NAV1: variants seen among roughly 807,000 people sequenced by gnomAD.
NAV1 encodes the protein neuron navigator 1, also known as pore membrane and/or filament interacting like protein 3.
A neutral mutation model predicts 175.2 loss-of-function variants in NAV1; 18 were observed. The observed-to-expected ratio is 0.10, with a 90% confidence interval of 0.07 to 0.15. The LOEUF (loss-of-function observed/expected upper bound fraction) is 0.15, where lower values mean the gene tolerates loss of function less well. Ranked by LOEUF, NAV1 falls within the 10% of genes least tolerant of loss-of-function variation. The pLI, the probability that NAV1 is intolerant of heterozygous loss-of-function variation, is 1.00. For missense variants in NAV1, 1,731 were observed against 2,436.6 expected (o/e 0.71, Z 6.10); for synonymous variants, 897 against 978.7 (o/e 0.92, Z 1.56).
intron 1 of NAV1, among the ~76,000 whole-genome samples, chr1:201,654,111 TA>T (rs754613597): frequency 5.2e-4 from 79 of 152,184 alleles, no homozygotes; most frequent in Admixed American, 2.2e-3. Flanking sequence ...AAGTAGGTCC[TA>T]GGGGCAGTTC....
At chr1:201,551,948 C>A (rs1159823624) in intron 1 of NAV1, among the ~76,000 whole-genome samples, 1 of 152,208 alleles carries the variant, frequency 6.6e-6, no homozygotes, top group African/African-American at 2.4e-5. Flanking sequence ...AAGCTCCTTA[C>A]TAAATGTCAT....
At chr1:201,647,707 C>A (rs1736450), upstream of NAV1, among the ~76,000 whole-genome samples, 1 of 151,686 alleles carries the variant, frequency 6.6e-6, no homozygotes, top group Admixed American at 6.6e-5. Flanking sequence ...TGAAGTAGGG[C>A]GGGACTGGGA....
At chr1:201,819,055 G>A (rs1307929832) in intron 29 of NAV1, among the ~76,000 whole-genome samples, 2 of 152,172 alleles carry the variant, frequency 1.3e-5, no homozygotes, top group African/African-American at 4.8e-5. Context: ...AGTACATAGA[G>A]GTATTTAGAC....
chr1:201,693,585 G>T (rs561992697), intron 1 of NAV1, among the ~76,000 whole-genome samples: 1 of 152,312 alleles, frequency 6.6e-6, no homozygotes, highest in East Asian at 1.9e-4. Flanking sequence ...GAGATCAAAT[G>T]TTCCAGAGCT....
chr1:201,789,843 C>T (rs912626616), intron 11 of NAV1, 51 bp downstream of exon 15: 14 of 1,557,490 alleles, frequency 9.0e-6, no homozygotes, highest in African/African-American at 2.7e-5. Flanking sequence ...TCTACCATCC[C>T]ATGCTCCCTA....
chr1:201,602,008 G>A (rs1052769631), intron 2 of NAV1, among the ~76,000 whole-genome samples: 32 of 152,080 alleles, frequency 2.1e-4, no homozygotes, highest in Non-Finnish European at 4.1e-4. Flanking sequence ...CTCAGGATGG[G>A]TTCCGCAGGT....
At chr1:201,649,088 C>T (rs1171573533) in exon 1 of NAV1, 2 of 1,613,070 alleles carry the variant, frequency 1.2e-6, no homozygotes, top group South Asian at 2.2e-5. Flanking sequence ...AGACGCTGTC[C>T]AAGTCGGAGC....
chr1:201,727,711 C>T (rs1485554673), intron 3 of NAV1, among the ~76,000 whole-genome samples: 2 of 152,238 alleles, frequency 1.3e-5, no homozygotes, highest in African/African-American at 4.8e-5. Flanking sequence ...GAAGCCACTA[C>T]AGGCTATGTT....
intron 2 of NAV1, among the ~76,000 whole-genome samples, chr1:201,713,841 G>T (rs1229679109): frequency 6.6e-6 from 1 of 152,192 alleles, no homozygotes; most frequent in East Asian, 1.9e-4. Context: ...AGTGGAAAAG[G>T]ACTTTCTTTA....
At chr1:201,755,942 T>C (rs528462367) in intron 3 of NAV1, among the ~76,000 whole-genome samples, 53 of 151,860 alleles carry the variant, frequency 3.5e-4, no homozygotes, top group African/African-American at 1.3e-3. Flanking sequence ...CCATCTCTAC[T>C]AAAAATACAA....
intron 3 of NAV1, among the ~76,000 whole-genome samples, chr1:201,758,478 T>A (rs570483210): frequency 1.3e-5 from 2 of 152,358 alleles, no homozygotes; most frequent in Non-Finnish European, 2.9e-5. Flanking sequence ...ATGTCACTCT[T>A]TCAAGCAAAT....
chr1:201,685,952 G>A (rs560296040), intron 1 of NAV1, among the ~76,000 whole-genome samples: 2 of 152,318 alleles, frequency 1.3e-5, no homozygotes, highest in African/African-American at 4.8e-5. Flanking sequence ...AAATACCCCT[G>A]AATGCAGTCT....
intron 3 of NAV1, among the ~76,000 whole-genome samples, chr1:201,746,925 G>A (rs1673804112): frequency 6.6e-6 from 1 of 151,696 alleles, no homozygotes; most frequent in Non-Finnish European, 1.5e-5. Flanking sequence ...GGTCGCTTGA[G>A]CCCAGGAGGT....
Position 201,718,351 on chromosome 1 carries a change from G to A in NAV1, c.861-39G>A, listed in dbSNP as rs1252752431. On this transcript the variant is annotated intron_variant, in intron 2 of 29. Coordinates refer to ENST00000367296, the Ensembl canonical transcript of NAV1. This position sits in a 1 kb window ranked among gnomAD's most constrained non-coding sequence, Gnocchi z 4.8. ...TGAGGGGACAGGGCACACGGCGGCTGTGCCAAGGACTAAGTAGTGCCTTCT... is the reference window on the plus strand; with the variant it reads ...TGAGGGGACAGGGCACACGGCGGCTATGCCAAGGACTAAGTAGTGCCTTCT... 1 of 1,491,320 alleles carries A rather than the reference G, an allele frequency of 6.7e-7. No homozygotes were observed. Among genetic ancestry groups the A allele is most frequent in the Non-Finnish European group, 8.9e-7 (1 of 1,118,752 alleles). 92.4% of individuals were successfully genotyped at this position (1,491,320 alleles called of 1,614,324 possible). A position where few individuals can be genotyped will look rare whatever the true frequency, so the allele number is the denominator to read the frequency against.
chr1:201,806,084 A>G (rs1474969799), intron 17 of NAV1, among the ~76,000 whole-genome samples: 1 of 151,478 alleles, frequency 6.6e-6, no homozygotes, highest in Non-Finnish European at 1.5e-5. Flanking sequence ...TCGCGGGTTC[A>G]AGCAATTCTC....
intron 3 of NAV1, among the ~76,000 whole-genome samples, chr1:201,762,662 C>T (rs1374415444): frequency 6.6e-6 from 1 of 152,206 alleles, no homozygotes; most frequent in African/African-American, 2.4e-5. Flanking sequence ...TGCAAAGCCT[C>T]ATAAATATTT....
intron 1 of NAV1, among the ~76,000 whole-genome samples, chr1:201,562,598 C>T (rs1341567785): frequency 6.6e-6 from 1 of 152,182 alleles, no homozygotes; most frequent in Non-Finnish European, 1.5e-5. Context: ...TGAAAGGATC[C>T]CGGCAGGACT....
intron 1 of NAV1, among the ~76,000 whole-genome samples, chr1:201,703,826 CA>C (rs1401041813): frequency 1.3e-5 from 2 of 152,298 alleles, no homozygotes; most frequent in South Asian, 4.1e-4. Flanking sequence ...TGCCACTCCC[CA>C]GAAAGGGTCA....
intron 3 of NAV1, among the ~76,000 whole-genome samples, chr1:201,746,112 G>C (rs1673753774): frequency 6.6e-6 from 1 of 152,164 alleles, no homozygotes; most frequent in Non-Finnish European, 1.5e-5. Context: ...ATGGGTGTGA[G>C]CCACCATGCC....
Sources: allele counts gnomAD v4.1 joint callset (sites outside exome capture counted in the v4.1 genomes callset), GRCh38; gene constraint gnomAD v4.1.1; non-coding constraint Gnocchi (gnomAD v3.1); transcripts MANE v1.5; gene names NCBI Gene and HGNC (gene_info 2026-07-23, HGNC 2026-07-21).